Variants in MYO16 observed in about 807,000 individuals in gnomAD.
The protein encoded by MYO16 is unconventional myosin-XVI.
A neutral mutation model predicts 205.3 loss-of-function variants in MYO16; 94 were observed. The ratio of observed to expected loss-of-function variants is 0.46; its 90% CI spans 0.39 to 0.54. The LOEUF (loss-of-function observed/expected upper bound fraction) is 0.54, where lower values mean the gene tolerates loss of function less well. MYO16 is among the 20% of genes least tolerant of loss of function. MYO16 has a pLI of 0.00. For missense variants in MYO16, 2,315 were observed against 2,387.5 expected (o/e 0.97, Z 0.63); for synonymous variants, 988 against 954.0 (o/e 1.04, Z -0.66).
chr13:109,155,866 C>G (rs189621645), intron 32 of MYO16, among the ~76,000 whole-genome samples: 5 of 152,310 alleles, frequency 3.3e-5, no homozygotes, highest in Admixed American at 6.5e-5. Flanking sequence ...TTCAGATTAG[C>G]CTCTGTGGTT....
At chr13:108,560,648 T>C in the MYO16 span, among the ~76,000 whole-genome samples, 1 of 152,210 alleles carries the variant, frequency 6.6e-6, no homozygotes, top group African/African-American at 2.4e-5. Flanking sequence ...CAGTTATGTG[T>C]CTTTGAAGTT....
At chr13:109,087,510 G>C (rs1015578377) in intron 27 of MYO16, among the ~76,000 whole-genome samples, 1 of 152,090 alleles carries the variant, frequency 6.6e-6, no homozygotes, top group Non-Finnish European at 1.5e-5. Context: ...GCTGGGCGTA[G>C]TGGCGGGTGC....
At chr13:108,853,175 G>C (rs564226236) in intron 10 of MYO16, among the ~76,000 whole-genome samples, 11 of 152,338 alleles carry the variant, frequency 7.2e-5, no homozygotes, top group Non-Finnish European at 1.3e-4. Flanking sequence ...TGTCAGTCTA[G>C]GTAGCGCTCG....
At chr13:109,033,139 A>G (rs1886597737) in intron 23 of MYO16, among the ~76,000 whole-genome samples, 1 of 152,132 alleles carries the variant, frequency 6.6e-6, no homozygotes, top group Non-Finnish European at 1.5e-5. Context: ...TGGTGTGTGC[A>G]CTTACTGAAC....
intron 20 of MYO16, among the ~76,000 whole-genome samples, chr13:108,991,368 C>T (rs1186576804): frequency 1.3e-5 from 2 of 152,100 alleles, no homozygotes; most frequent in Non-Finnish European, 1.5e-5. Context: ...TGATAGTTCA[C>T]ATTGAAAAAA....
rs559833657 is a variant in MYO16, at chr13:109,122,286, T to C, written c.3535+1820T>C. On this transcript the variant is annotated intron_variant, in intron 29 of 34. Coordinates refer to ENST00000457511, the MANE Select transcript of MYO16 (RefSeq NM_001198950.3). ...TGCCCCATTAGAAATTTCTGTTCTA[T>C]TTAACAAAGATTAAATTTCTATACC... 3.1e-4 allele frequency among the ~76,000 whole-genome samples: 47 copies of C among 152,264 alleles called. No individual in the cohort carries two copies. The South Asian group carries it at 9.6e-3, about 31-fold the overall frequency.
intron 24 of MYO16, 71 bp downstream of exon 24, chr13:109,047,062 T>C (rs1887068809): frequency 2.6e-6 from 3 of 1,165,164 alleles, no homozygotes. Context: ...TATCTCTGAA[T>C]ATTTTCCTAG....
chr13:108,552,377 C>G, the MYO16 span, among the ~76,000 whole-genome samples: 3 of 152,154 alleles, frequency 2.0e-5, no homozygotes, highest in Non-Finnish European at 4.4e-5. Context: ...AAACATTTCT[C>G]TTTTTGTTGA....
chr13:108,832,316 T>C (rs1281180463), intron 9 of MYO16, among the ~76,000 whole-genome samples: 1 of 151,474 alleles, frequency 6.6e-6, no homozygotes, highest in African/African-American at 2.4e-5. Context: ...CTAATTTTTG[T>C]ATTTTTAGTA....
chr13:108,752,751 C>G (rs1423090068), intron 4 of MYO16, among the ~76,000 whole-genome samples: 2 of 149,236 alleles, frequency 1.3e-5, no homozygotes, highest in African/African-American at 2.5e-5. Flanking sequence ...AAGTGATTCT[C>G]CTGCCTCAGC....
rs1428845018 is a variant in MYO16, at chr13:109,002,421, TC to T, written c.2443-6474del. 3.3e-5 allele frequency among the ~76,000 whole-genome samples: 5 copies of T among 152,244 alleles called. No homozygotes were observed. The East Asian group carries it at 9.6e-4, about 29-fold the overall frequency. On this transcript the variant is annotated intron_variant, in intron 21 of 34. Coordinates refer to ENST00000457511, the MANE Select transcript of MYO16 (RefSeq NM_001198950.3). ...GAGCCATCTGGATAAGCAATAAGTT[TC>T]CGTTCCTAAAGAGTGTGTTCCAGGG... is the stretch of plus-strand genomic sequence containing the variant.
Position 108,711,962 on chromosome 13 carries a change from T to C in MYO16, c.293-699T>C, listed in dbSNP as rs78997564. On this transcript the variant is annotated intron_variant, in intron 2 of 34. Transcript: ENST00000457511. ...GGATTGAAGAACCTTTCTATGGGGCTTGTCTTATAGCTTCATTTTAAGTAG... is the reference window on the plus strand; with the variant it reads ...GGATTGAAGAACCTTTCTATGGGGCCTGTCTTATAGCTTCATTTTAAGTAG... 4.4e-3 allele frequency among the ~76,000 whole-genome samples: 666 copies of C among 152,322 alleles called. 6 individuals carry two copies. The highest frequency in any genetic ancestry group is 0.015 in the African/African-American group (637 of 41,576).
At chr13:108,731,066 A>G (rs1884505462) in intron 4 of MYO16, among the ~76,000 whole-genome samples, 1 of 152,174 alleles carries the variant, frequency 6.6e-6, no homozygotes, top group South Asian at 2.1e-4. Context: ...AATCACATTA[A>G]TGGCCAGTTG....
upstream of MYO16, among the ~76,000 whole-genome samples, chr13:108,628,828 A>G (rs1487111392): frequency 6.6e-6 from 1 of 152,210 alleles, no homozygotes; most frequent in Non-Finnish European, 1.5e-5. Flanking sequence ...AACCTGAAAC[A>G]TAAATTCTAG....
chr13:108,606,301 G>C (rs1340651129), intron 1 of MYO16, among the ~76,000 whole-genome samples: 1 of 152,192 alleles, frequency 6.6e-6, no homozygotes, highest in African/African-American at 2.4e-5. Flanking sequence ...AGGCATGTCA[G>C]AGACCTTCTC....
chr13:109,110,527 G>A (rs1889253311), intron 28 of MYO16, among the ~76,000 whole-genome samples: 1 of 152,262 alleles, frequency 6.6e-6, no homozygotes, highest in East Asian at 1.9e-4. Flanking sequence ...TATTAGATGT[G>A]TGTGGCTGTA....
chr13:108,634,707 A>G (rs375810435), intron 1 of MYO16, among the ~76,000 whole-genome samples: 45 of 151,996 alleles, frequency 3.0e-4, no homozygotes, highest in African/African-American at 8.5e-4. Flanking sequence ...ATGTTCCTTA[A>G]TTTCTGATGT....
intron 21 of MYO16, among the ~76,000 whole-genome samples, chr13:109,002,166 A>T (rs976566616): frequency 6.6e-6 from 1 of 152,184 alleles, no homozygotes; most frequent in Admixed American, 6.5e-5. Flanking sequence ...AGCCTTTCTT[A>T]AAAAACTCCT....
the MYO16 span, among the ~76,000 whole-genome samples, chr13:108,503,139 A>C: frequency 6.6e-6 from 1 of 152,228 alleles, no homozygotes; most frequent in Admixed American, 6.5e-5. Context: ...AATATATAAT[A>C]TAAAACAGAC....
Sources: allele counts gnomAD v4.1 joint callset (sites outside exome capture counted in the v4.1 genomes callset), GRCh38; gene constraint gnomAD v4.1.1; transcripts MANE v1.5; gene names NCBI Gene and HGNC (gene_info 2026-07-23, HGNC 2026-07-21).